FHIT: variants seen among roughly 807,000 people sequenced by gnomAD.
FHIT encodes bis(5'-adenosyl)-triphosphatase.
A neutral mutation model predicts 17.9 loss-of-function variants in FHIT; 19 were observed. That is an observed-to-expected ratio of 1.06 (90% CI 0.74 to 1.56). FHIT has a LOEUF of 1.56. FHIT is among the 40% of genes most tolerant of loss of function. FHIT has a pLI of 0.00. For synonymous variants in FHIT, 81 were observed against 69.7 expected, an observed-to-expected ratio of 1.16 and a Z score of -0.81; for missense variants, 248 against 189.2, an observed-to-expected ratio of 1.31 and a Z score of -1.82.
chr3:60,577,691 G>A (rs1037939436), intron 4 of FHIT, among the ~76,000 whole-genome samples: 1 of 152,086 alleles, frequency 6.6e-6, no homozygotes, highest in East Asian at 1.9e-4. Context: ...AATTTGGTTG[G>A]AAGTCTTTTT....
chr3:60,964,830 G>A (rs571805627), intron 3 of FHIT, among the ~76,000 whole-genome samples: 10 of 152,268 alleles, frequency 6.6e-5, no homozygotes, highest in Middle Eastern at 3.4e-3. Flanking sequence ...CCCTTTGTGG[G>A]TAACCTGACC....
At chr3:60,278,263 T>C (rs1338151589) in intron 5 of FHIT, among the ~76,000 whole-genome samples, 2 of 152,140 alleles carry the variant, frequency 1.3e-5, no homozygotes, top group South Asian at 2.1e-4. Context: ...AGAGAAAAAG[T>C]AACCATTTTG....
At chr3:59,860,265 GA>G (rs1487147533) in intron 8 of FHIT, among the ~76,000 whole-genome samples, 3 of 152,144 alleles carry the variant, frequency 2.0e-5, no homozygotes, top group African/African-American at 7.2e-5. Flanking sequence ...TGATGATCAG[GA>G]ATGCAAATGA....
chr3:60,454,548 C>A (rs1461078642), intron 5 of FHIT, among the ~76,000 whole-genome samples: 1 of 151,908 alleles, frequency 6.6e-6, no homozygotes, highest in Non-Finnish European at 1.5e-5. Flanking sequence ...CCACACCCGG[C>A]TAATTTTTGG....
chr3:60,885,489 C>T (rs1163733950), intron 3 of FHIT, among the ~76,000 whole-genome samples: 3 of 152,172 alleles, frequency 2.0e-5, no homozygotes, highest in East Asian at 1.9e-4. Flanking sequence ...GACTTATGAG[C>T]AATAATAAGT....
At chr3:59,825,691 T>C (rs1393058007) in intron 8 of FHIT, among the ~76,000 whole-genome samples, 2 of 152,186 alleles carry the variant, frequency 1.3e-5, no homozygotes, top group African/African-American at 4.8e-5. Context: ...CTGAAGCCCA[T>C]TCTATAGAAG....
chr3:60,963,277 C>A (rs1394490655), intron 3 of FHIT, among the ~76,000 whole-genome samples: 3 of 152,054 alleles, frequency 2.0e-5, no homozygotes, highest in African/African-American at 7.3e-5. Context: ...GTGGTGATAT[C>A]CCCTTTATCA....
At chr3:60,775,737 T>G (rs1700198140) in intron 4 of FHIT, among the ~76,000 whole-genome samples, 1 of 152,172 alleles carries the variant, frequency 6.6e-6, no homozygotes, top group Non-Finnish European at 1.5e-5. Context: ...CTTCCTTTTT[T>G]GGGATGGACC....
intron 4 of FHIT, among the ~76,000 whole-genome samples, chr3:60,712,752 T>A (rs1159268490): frequency 6.8e-6 from 1 of 146,040 alleles, no homozygotes; most frequent in Non-Finnish European, 1.5e-5. Flanking sequence ...ATGCACCCAA[T>A]ACAGGAGCAC....
At chr3:59,826,221 G>T (rs1004769839) in intron 8 of FHIT, among the ~76,000 whole-genome samples, 27 of 152,114 alleles carry the variant, frequency 1.8e-4, no homozygotes, top group African/African-American at 6.5e-4. Context: ...GGGCTCAGGT[G>T]ATTCTCCCAC....
intron 8 of FHIT, among the ~76,000 whole-genome samples, chr3:59,867,272 T>C (rs1480834648): frequency 6.6e-6 from 1 of 150,558 alleles, no homozygotes; most frequent in African/African-American, 2.5e-5. Context: ...TGTGTTAAAA[T>C]TTGGACACAC....
intron 3 of FHIT, among the ~76,000 whole-genome samples, chr3:60,831,271 T>A (rs1200705470): frequency 1.3e-5 from 2 of 152,180 alleles, no homozygotes; most frequent in Non-Finnish European, 2.9e-5. Context: ...GGTAAGTTAT[T>A]CCATAAAGCA....
At position 60,008,135 on chromosome 3, in the gene FHIT, G is replaced by C. The variant is rs568105522; in HGVS notation, c.279+3236C>G. ...AGCCAAACAAACAAAAGACAATGAA[G>C]AATGCCTCGAGAGAAATCAAATCAT... is the stretch of plus-strand genomic sequence containing the variant. On this transcript the variant is annotated intron_variant, in intron 7 of 9. Coordinates refer to ENST00000492590, the MANE Select transcript of FHIT (RefSeq NM_002012.4). Among the ~76,000 whole-genome samples the C allele has an allele frequency of 3.3e-5, 5 of 152,234 alleles. 1 individual carries two copies. The South Asian group carries it at 1.0e-3, about 32-fold the overall frequency.
At chr3:60,514,179 T>C (rs1477848736) in intron 5 of FHIT, among the ~76,000 whole-genome samples, 1 of 152,360 alleles carries the variant, frequency 6.6e-6, no homozygotes, top group East Asian at 1.9e-4. Context: ...CAGGAGGCAC[T>C]GGGTGTGGAA....
intron 8 of FHIT, among the ~76,000 whole-genome samples, chr3:59,824,006 A>G (rs6791382): frequency 0.055 from 8,362 of 152,280 alleles, 705 homozygotes; most frequent in African/African-American, 0.18. Flanking sequence ...AAGTTTCAAG[A>G]TAGAAATTAA....
intron 1 of FHIT, among the ~76,000 whole-genome samples, chr3:61,239,411 T>C (rs569117714): frequency 6.6e-6 from 1 of 152,246 alleles, no homozygotes; most frequent in Non-Finnish European, 1.5e-5. Flanking sequence ...AGGCTATTCC[T>C]TCTGCCTGGG....
intron 6 of FHIT, among the ~76,000 whole-genome samples, 187 bp from the exon 7 acceptor site, chr3:60,011,587 G>A (rs544513539): frequency 6.1e-4 from 93 of 152,162 alleles, no homozygotes; most frequent in African/African-American, 2.1e-3. Flanking sequence ...GAGAGTAAGT[G>A]CGAAGTTATG....
chr3:60,043,229 G>T (rs542278301), intron 5 of FHIT, among the ~76,000 whole-genome samples: 1 of 152,222 alleles, frequency 6.6e-6, no homozygotes, highest in African/African-American at 2.4e-5. Context: ...AGTTAGCATG[G>T]AAGTGGCCAG....
At chr3:60,172,717 G>C (rs1701475500) in intron 5 of FHIT, among the ~76,000 whole-genome samples, 1 of 152,158 alleles carries the variant, frequency 6.6e-6, no homozygotes, top group South Asian at 2.1e-4. Flanking sequence ...AAGGCAGCCA[G>C]GGTGGCTGGA....
Sources: gnomAD v4.1 joint callset for allele counts (sites outside exome capture counted in the v4.1 genomes callset) on GRCh38, gnomAD v4.1.1 for gene constraint, MANE v1.5 for transcripts, NCBI Gene and HGNC (gene_info 2026-07-23, HGNC 2026-07-21) for gene names.